CALCOCO2: variants seen among roughly 807,000 people sequenced by gnomAD.
CALCOCO2 encodes the protein calcium binding and coiled-coil domain 2.
Under a neutral mutation model 62.5 loss-of-function variants are expected in CALCOCO2, and 42 were observed. The ratio of observed to expected loss-of-function variants is 0.67; its 90% CI spans 0.53 to 0.87. The LOEUF (loss-of-function observed/expected upper bound fraction) is 0.87. CALCOCO2 is among the 40% of genes least tolerant of loss of function. The probability of loss-of-function intolerance (pLI) is 0.00; values close to 1 mark genes in which losing one functional copy is unlikely to be tolerated. For missense variants in CALCOCO2, 456 were observed against 515.0 expected (o/e 0.89, Z 1.11); for synonymous variants, 167 against 173.0 (o/e 0.97, Z 0.27).
At chr17:48,838,438 G>T (rs1367652448) in intron 1 of CALCOCO2, among the ~76,000 whole-genome samples, 1 of 151,872 alleles carries the variant, frequency 6.6e-6, no homozygotes, top group Admixed American at 6.6e-5. Flanking sequence ...ATGAGGGGTG[G>T]TCTCCTCCCT....
At chr17:48,856,257 A>G in intron 10 of CALCOCO2, 70 bp downstream of exon 10, 2 of 821,802 alleles carry the variant, frequency 2.4e-6, no homozygotes, top group South Asian at 1.6e-5. Context: ...CCAGAGATGT[A>G]GTGAAAAAAA....
At chr17:48,855,015 G>A (rs961321146) in intron 9 of CALCOCO2, among the ~76,000 whole-genome samples, 1 of 152,122 alleles carries the variant, frequency 6.6e-6, no homozygotes, top group African/African-American at 2.4e-5. Context: ...ACAGAGATAA[G>A]GGGGCCCAGG....
Position 48,849,880 on chromosome 17 carries a change from AG to A in CALCOCO2, c.543+505del, listed in dbSNP as rs529460668. ...CGGTTAAATATACTATCATTTGGCC[AG>A]GTGCAGTGGCTCACACCTGTAATAC... On this transcript the variant is annotated intron_variant, in intron 5 of 12. Transcript: ENST00000258947. 7.9e-5 allele frequency among the ~76,000 whole-genome samples: 12 copies of A among 152,010 alleles called. No homozygotes were observed. The South Asian group carries it at 2.1e-3, about 27-fold the overall frequency.
chr17:48,853,017 G>C lies in CALCOCO2; in HGVS notation c.912+5G>C. 1 of 1,597,036 alleles carries C rather than the reference G, an allele frequency of 6.3e-7. No individual in the cohort carries two copies. Among genetic ancestry groups the C allele is most frequent in the Non-Finnish European group, 8.6e-7 (1 of 1,164,494 alleles). ...AAGAAACAACAGGAATTAATGGCAT[G>C]TCTGTCTTTGGATGGTTATGTGGGA... On this transcript the variant is annotated splice_donor_5th_base_variant and intron_variant, in intron 9 of 12. Transcript: ENST00000258947.
rs958376690 is a variant in CALCOCO2, at chr17:48,845,989, G to A, written c.181-2075G>A. On this transcript the variant is annotated intron_variant, in intron 2 of 12. Transcript: ENST00000258947. ...AATGAAGAGTTGGCTGTAAAGTTTCGTCCTTTGCAGCTCACCTCAAATGCT... is the reference window on the plus strand; with the variant it reads ...AATGAAGAGTTGGCTGTAAAGTTTCATCCTTTGCAGCTCACCTCAAATGCT... The A allele has an allele frequency of 1.4e-4, 118 of 833,250 alleles. 1 individual carries two copies. Among genetic ancestry groups the A allele is most frequent in the Middle Eastern group, 5.0e-4 (2 of 4,000 alleles). The allele number at this position is 833,250 out of a possible 1,614,324, so 51.6% of individuals were successfully genotyped here.
At chr17:48,849,899 T>A (rs1353264405) in intron 5 of CALCOCO2, among the ~76,000 whole-genome samples, 1 of 152,136 alleles carries the variant, frequency 6.6e-6, no homozygotes, top group Non-Finnish European at 1.5e-5. Context: ...GGCTCACACC[T>A]GTAATACCAG....
chr17:48,860,239 G>T, intron 10 of CALCOCO2, 75 bp from the exon 11 acceptor site: 1 of 1,169,912 alleles, frequency 8.5e-7, no homozygotes. Flanking sequence ...ACCTGGGAGG[G>T]GCATCTCCTA....
chr17:48,862,032 A>G (rs576225304), intron 11 of CALCOCO2, among the ~76,000 whole-genome samples: 2 of 141,290 alleles, frequency 1.4e-5, no homozygotes, highest in East Asian at 2.1e-4. Context: ...CTAGGCGACA[A>G]AGCGAGACTC....
rs1475264483 is a variant in CALCOCO2 at position 48,841,905 on chromosome 17, TAC to T, written c.180+19_180+20del. The T allele has an allele frequency of 1.4e-5, 22 of 1,575,802 alleles. No individual in the cohort carries two copies. Among genetic ancestry groups the T allele is most frequent in the Non-Finnish European group, 1.8e-5 (21 of 1,151,890 alleles). ...TCTTTAGAGTAAGTGGTTAATTCAGTACCAAGTGATCAGGAACTAGAGGTGAT... is the reference window on the plus strand; with the variant it reads ...TCTTTAGAGTAAGTGGTTAATTCAGTCAAGTGATCAGGAACTAGAGGTGAT... On this transcript the variant is annotated intron_variant, in intron 2 of 12. Coordinates refer to ENST00000258947, the MANE Select transcript of CALCOCO2 (RefSeq NM_005831.5).
rs552454222 is a variant in CALCOCO2, at chr17:48,862,952, C to G, written c.1288C>G (p.Pro430Ala). The change falls in exon 13 of 13, where the codon CCA (proline) becomes GCA (alanine). Residue 430 changes from proline to alanine, a missense_variant. Transcript: ENST00000258947. ...FNCPICDKIFPATEKQIFEDH... is the reference protein window; with the variant it reads ...FNCPICDKIFAATEKQIFEDH... ...TTGTCCAATTTGTGACAAGATCTTC[C>G]CAGCTACAGAGAAGCAGATCTTTGA... 2 of 1,613,774 alleles carry G rather than the reference C, an allele frequency of 1.2e-6. No individual in the cohort carries two copies. Among genetic ancestry groups the G allele is most frequent in the African/African-American group, 1.3e-5 (1 of 75,048 alleles).
chr17:48,844,181 C>T (rs1251932550), intron 2 of CALCOCO2, among the ~76,000 whole-genome samples: 2 of 152,100 alleles, frequency 1.3e-5, no homozygotes, highest in Non-Finnish European at 2.9e-5. Flanking sequence ...CCGCACCCGG[C>T]CTGAGTAACT....
intron 1 of CALCOCO2, among the ~76,000 whole-genome samples, chr17:48,833,214 T>C (rs1341528551): frequency 6.6e-6 from 1 of 152,194 alleles, no homozygotes; most frequent in African/African-American, 2.4e-5. Context: ...AGAAACGGGA[T>C]TCAAATCAAT....
intron 1 of CALCOCO2, among the ~76,000 whole-genome samples, chr17:48,836,864 G>T (rs1230661346): frequency 4.6e-5 from 7 of 150,806 alleles, no homozygotes; most frequent in Admixed American, 4.0e-4. Flanking sequence ...CCAGGTTCAA[G>T]CTATTCTGCC....
chr17:48,859,981 C>A (rs2040304836), intron 10 of CALCOCO2, among the ~76,000 whole-genome samples: 1 of 152,120 alleles, frequency 6.6e-6, no homozygotes, highest in African/African-American at 2.4e-5. Context: ...GTAATCCCAG[C>A]TACTTGGGAG....
At chr17:48,833,427 T>C (rs2039844053) in intron 1 of CALCOCO2, among the ~76,000 whole-genome samples, 1 of 151,456 alleles carries the variant, frequency 6.6e-6, no homozygotes, top group African/African-American at 2.4e-5. Flanking sequence ...TGGTGGCACA[T>C]GCATGTAGTC....
At chr17:48,841,522 G>T in intron 1 of CALCOCO2, 176 bp from the exon 2 acceptor site, 1 of 480,198 alleles carries the variant, frequency 2.1e-6, no homozygotes, top group Non-Finnish European at 3.7e-6. Flanking sequence ...ATAGGAAGTT[G>T]TGACTGAGAT....
chr17:48,839,353 CTTT>C (rs71144529), intron 1 of CALCOCO2: 15 of 130,324 alleles, frequency 1.2e-4, no homozygotes, highest in East Asian at 7.2e-4. Context: ...AATGGTTTCT[CTTT>C]TTTTTTTTTT....
In CALCOCO2 at chr17:48,851,594, A is replaced by G. The variant is rs753617393; in HGVS notation, c.668A>G (p.Asn223Ser). The G allele has an allele frequency of 3.1e-6, 5 of 1,603,902 alleles. No individual in the cohort carries two copies. The highest frequency in any genetic ancestry group is 4.3e-6 in the Non-Finnish European group (5 of 1,170,578). The change falls in exon 7 of 13, where the codon AAT becomes AGT. Residue 223 changes from asparagine to serine, a missense_variant. Physicochemically the swap from Asn to Ser is conservative, Grantham distance 46. Around this residue, in one of 3 missense-constraint regions of CALCOCO2, gnomAD observed 236 missense variants for 225.3 expected, o/e 1.05. Coordinates refer to ENST00000258947, the MANE Select transcript of CALCOCO2 (RefSeq NM_005831.5). ...KEQNQKMSSE[N>S]EKMGIRVDQL... ...CAAAACCAGAAGATGTCCTCAGAAA[A>G]TGAGAAGATGGGAATCAGAGTGGAT...
intron 1 of CALCOCO2, among the ~76,000 whole-genome samples, chr17:48,836,754 C>A (rs1020711319): frequency 4.7e-5 from 7 of 148,310 alleles, no homozygotes; most frequent in African/African-American, 1.5e-4. Context: ...TCCCGGAAGT[C>A]ACTCTTTTTT....
Sources: allele counts gnomAD v4.1 joint callset (sites outside exome capture counted in the v4.1 genomes callset), GRCh38; gene constraint gnomAD v4.1.1; regional missense constraint gnomAD v4.1.1; transcripts MANE v1.5; gene names NCBI Gene and HGNC (gene_info 2026-07-23, HGNC 2026-07-21).